MAML2: variants seen among roughly 807,000 people sequenced by gnomAD.
MAML2 encodes the protein mastermind like transcriptional coactivator 2, also known as mastermind-like protein 2.
Under a neutral mutation model 96.1 loss-of-function variants are expected in MAML2, and 22 were observed. The ratio of observed to expected loss-of-function variants is 0.23; its 90% CI spans 0.16 to 0.33. The LOEUF (loss-of-function observed/expected upper bound fraction) is 0.33, where lower values mean the gene tolerates loss of function less well. Ranked by LOEUF, MAML2 falls within the 10% of genes least tolerant of loss-of-function variation. The probability of loss-of-function intolerance (pLI) is 1.00; values close to 1 mark genes in which losing one functional copy is unlikely to be tolerated. For synonymous variants in MAML2, 561 were observed against 521.3 expected, an observed-to-expected ratio of 1.08 and a Z score of -1.04; for missense variants, 1,367 against 1,392.4, an observed-to-expected ratio of 0.98 and a Z score of 0.29.
At chr11:96,189,146 T>G (rs564996464) in intron 1 of MAML2, among the ~76,000 whole-genome samples, 1 of 152,194 alleles carries the variant, frequency 6.6e-6, no homozygotes, top group South Asian at 2.1e-4. Flanking sequence ...CATATCTAGT[T>G]TAATACAAGA....
intron 1 of MAML2, among the ~76,000 whole-genome samples, chr11:96,315,054 T>G (rs969518794): frequency 6.6e-6 from 1 of 152,366 alleles, no homozygotes; most frequent in Admixed American, 6.5e-5. Context: ...CTGAGATAGA[T>G]AGTATGAGTT....
chr11:95,977,546 C>T lies in MAML2; in HGVS notation c.*1402G>A, dbSNP rs1320205211. 3.4e-5 allele frequency: 7 copies of T among 204,896 alleles called. No homozygotes were observed. The highest frequency in any genetic ancestry group is 7.0e-5 in the Non-Finnish European group (7 of 100,112). 12.7% of individuals were successfully genotyped at this position (204,896 alleles called of 1,614,324 possible). A position where few individuals can be genotyped will look rare whatever the true frequency, so the allele number is the denominator to read the frequency against. ...ATAGAACTGAAAGGGCTGAAGATAA[C>T]CTTTGCTCCTCTGTAATTAGGAAAA... On this transcript the variant is annotated 3_prime_UTR_variant, in exon 5 of 5. Coordinates refer to ENST00000524717, the MANE Select transcript of MAML2 (RefSeq NM_032427.4).
intron 1 of MAML2, among the ~76,000 whole-genome samples, chr11:96,223,433 T>C (rs1379224024): frequency 6.6e-6 from 1 of 152,228 alleles, no homozygotes; most frequent in Non-Finnish European, 1.5e-5. Context: ...TACTTAACCA[T>C]TTGTTAGCCT....
chr11:96,069,664 G>A (rs1859308784), intron 2 of MAML2, among the ~76,000 whole-genome samples: 1 of 152,006 alleles, frequency 6.6e-6, no homozygotes, highest in African/African-American at 2.4e-5. Flanking sequence ...GTGAGAGAAT[G>A]AGTCCCTATC....
Position 96,032,586 on chromosome 11 carries a change from C to CAAA in MAML2, c.2140-40866_2140-40864dup, listed in dbSNP as rs59167571. Among the ~76,000 whole-genome samples, 130 of 91,280 alleles carry CAAA rather than the reference C, an allele frequency of 1.4e-3. 1 individual carries two copies. Among genetic ancestry groups the CAAA allele is most frequent in the African/African-American group, 3.6e-3 (87 of 24,332 alleles). 59.9% of individuals were successfully genotyped at this position (91,280 alleles called of 152,430 possible). A position where few individuals can be genotyped will look rare whatever the true frequency, so the allele number is the denominator to read the frequency against. ...TGGGTGACAGAGCAAGAGTCTGTCT[C>CAAA]AAAAAAAAAAAAAAAAAAAAGTTAT... is the stretch of plus-strand genomic sequence containing the variant. On this transcript the variant is annotated intron_variant, in intron 2 of 4. Coordinates refer to ENST00000524717, the MANE Select transcript of MAML2 (RefSeq NM_032427.4).
At chr11:96,036,941 A>G (rs1024079927) in intron 2 of MAML2, among the ~76,000 whole-genome samples, 2 of 152,160 alleles carry the variant, frequency 1.3e-5, no homozygotes, top group Non-Finnish European at 2.9e-5. Context: ...CTAAACTTGG[A>G]GCACCATCTT....
chr11:96,077,316 G>A (rs545247415), intron 2 of MAML2, among the ~76,000 whole-genome samples: 32 of 143,860 alleles, frequency 2.2e-4, no homozygotes, highest in African/African-American at 8.2e-4. Context: ...TGCCTTCTGG[G>A]TTCAAGTGAT....
At chr11:96,153,329 T>C (rs2135880150) in intron 1 of MAML2, among the ~76,000 whole-genome samples, 1 of 152,292 alleles carries the variant, frequency 6.6e-6, no homozygotes, top group Non-Finnish European at 1.5e-5. Context: ...CAGTTAAGCA[T>C]GTGGTCCCTG....
intron 1 of MAML2, among the ~76,000 whole-genome samples, chr11:96,175,594 T>C (rs1018145374): frequency 6.6e-6 from 1 of 152,132 alleles, no homozygotes; most frequent in African/African-American, 2.4e-5. Context: ...TTTGTTTTGT[T>C]TTGTTTTTTT....
intron 1 of MAML2, among the ~76,000 whole-genome samples, chr11:96,328,106 TAAC>T (rs1863809676): frequency 6.6e-6 from 1 of 151,876 alleles, no homozygotes; most frequent in Non-Finnish European, 1.5e-5. Flanking sequence ...CCCAAAATAA[TAAC>T]AATCAAAAAC....
intron 1 of MAML2, among the ~76,000 whole-genome samples, chr11:96,118,130 C>T (rs757081920): frequency 3.3e-5 from 5 of 152,170 alleles, no homozygotes; most frequent in East Asian, 1.9e-4. Context: ...AACATATACA[C>T]CAATAACTAT....
At chr11:96,016,525 C>T (rs1197237019) in intron 2 of MAML2, among the ~76,000 whole-genome samples, 1 of 152,136 alleles carries the variant, frequency 6.6e-6, no homozygotes, top group Non-Finnish European at 1.5e-5. Flanking sequence ...AGAGTCCCCA[C>T]CTCTCCTAAG....
At chr11:96,110,062 T>G (rs377075857) in intron 1 of MAML2, among the ~76,000 whole-genome samples, 1 of 151,278 alleles carries the variant, frequency 6.6e-6, no homozygotes, top group Non-Finnish European at 1.5e-5. Flanking sequence ...AAGGAGGGAG[T>G]GAGCAACCTC....
intron 2 of MAML2, among the ~76,000 whole-genome samples, chr11:96,020,966 A>T (rs1426122602): frequency 6.6e-6 from 1 of 152,216 alleles, no homozygotes; most frequent in Non-Finnish European, 1.5e-5. Flanking sequence ...TGCTATATGG[A>T]TAGAAGGAAA....
intron 2 of MAML2, among the ~76,000 whole-genome samples, chr11:96,070,151 G>A (rs1018738332): frequency 5.9e-5 from 9 of 151,984 alleles, no homozygotes; most frequent in East Asian, 5.8e-4. Flanking sequence ...ATTAGCCGGC[G>A]TGGTGGCGGG....
chr11:96,085,630 C>T (rs1458998018), intron 2 of MAML2, among the ~76,000 whole-genome samples: 4 of 152,156 alleles, frequency 2.6e-5, no homozygotes, highest in African/African-American at 9.7e-5. Flanking sequence ...AACCCTACAC[C>T]CCTTCTTTCC....
intron 1 of MAML2, among the ~76,000 whole-genome samples, chr11:96,273,803 C>T (rs1373029261): frequency 6.6e-6 from 1 of 152,156 alleles, no homozygotes; most frequent in Non-Finnish European, 1.5e-5. Flanking sequence ...TAGCCAGCCT[C>T]CATATCAAAT....
At chr11:96,108,115 T>C (rs569510274) in intron 1 of MAML2, among the ~76,000 whole-genome samples, 117 of 152,292 alleles carry the variant, frequency 7.7e-4, no homozygotes, top group Non-Finnish European at 1.2e-3. Context: ...GAGGGAGTCT[T>C]ATGGGACTGA....
intron 1 of MAML2, among the ~76,000 whole-genome samples, chr11:96,137,814 T>C (rs1319346690): frequency 1.3e-5 from 2 of 152,218 alleles, no homozygotes; most frequent in Admixed American, 6.5e-5. Context: ...AATTATTAAA[T>C]ATATTGATCT....
Sources: allele counts gnomAD v4.1 joint callset (sites outside exome capture counted in the v4.1 genomes callset), GRCh38; gene constraint gnomAD v4.1.1; transcripts MANE v1.5; gene names NCBI Gene and HGNC (gene_info 2026-07-23, HGNC 2026-07-21).